The following EPHX2 variants were observed in gnomAD, a reference collection of about 807,000 sequenced individuals.
The protein encoded by EPHX2 is epoxide hydrolase 2.
Under a neutral mutation model 78.7 loss-of-function variants are expected in EPHX2, and 74 were observed. The observed-to-expected ratio is 0.94, with a 90% confidence interval of 0.78 to 1.14. The LOEUF (loss-of-function observed/expected upper bound fraction) is 1.14, where lower values mean the gene tolerates loss of function less well. Among genes scored for constraint, EPHX2 ranks in the 50% most tolerant of loss-of-function variants. The probability of loss-of-function intolerance (pLI) is 0.00; values close to 1 mark genes in which losing one functional copy is unlikely to be tolerated. For synonymous variants in EPHX2, 251 were observed against 255.2 expected (o/e 0.98, Z 0.16); for missense variants, 715 against 702.5 (o/e 1.02, Z -0.20).
chr8:27,536,945 A>C, intron 13 of EPHX2, 90 bp downstream of exon 13: 2 of 1,357,136 alleles, frequency 1.5e-6, no homozygotes, highest in Non-Finnish European at 2.0e-6. Context: ...CAGGAGTAGC[A>C]ATCTGGCCTC....
At chr8:27,527,132 T>C (rs550837626) in intron 12 of EPHX2, among the ~76,000 whole-genome samples, 10 of 152,224 alleles carry the variant, frequency 6.6e-5, no homozygotes, top group Admixed American at 5.9e-4. Flanking sequence ...TGTTTGTTTG[T>C]ATTTTTAGTA....
intron 6 of EPHX2, among the ~76,000 whole-genome samples, chr8:27,515,189 TC>T (rs72364790): frequency 0.039 from 5,921 of 152,196 alleles, 353 homozygotes; most frequent in African/African-American, 0.13. Context: ...GAGTCCCTGT[TC>T]CCCGTTTTTT....
At chr8:27,526,585 C>T (rs570545641) in intron 12 of EPHX2, among the ~76,000 whole-genome samples, 1 of 152,158 alleles carries the variant, frequency 6.6e-6, no homozygotes, top group Non-Finnish European at 1.5e-5. Context: ...GGCTAGGTAG[C>T]TCAACAGACT....
Position 27,506,946 on chromosome 8 carries a change from GGACACT to G in EPHX2, c.618_623del (p.Asp207_Thr208del). ...TGGGAATGGTCACCATCCTGGTCCA[GGACACT>G]GACACGGCCCTGAAAGAACTGGAGA... On this transcript the variant is annotated inframe_deletion, in exon 5 of 19. Coordinates refer to ENST00000521400, the MANE Select transcript of EPHX2 (RefSeq NM_001979.6). 1 of 1,614,106 alleles carries G rather than the reference GGACACT, an allele frequency of 6.2e-7. No individual in the cohort carries two copies. Among genetic ancestry groups the G allele is most frequent in the Non-Finnish European group, 8.5e-7 (1 of 1,180,014 alleles).
In EPHX2 at chr8:27,491,167, G is replaced by C; in HGVS notation, c.-42G>C. On this transcript the variant is annotated 5_prime_UTR_variant, in exon 1 of 19. Transcript: ENST00000521400. ...CGCCCTGGCCTTCGCGCATCTCCCAGGTTAGCTGCGTGTCCGGGTGCTAGG... is the reference window on the plus strand; with the variant it reads ...CGCCCTGGCCTTCGCGCATCTCCCACGTTAGCTGCGTGTCCGGGTGCTAGG... The C allele has an allele frequency of 6.5e-7, 1 of 1,535,812 alleles. No homozygotes were observed. The highest frequency in any genetic ancestry group is 8.7e-7 in the Non-Finnish European group (1 of 1,146,136).
At chr8:27,506,561 T>A (rs151137033) in intron 4 of EPHX2, among the ~76,000 whole-genome samples, 112 of 152,354 alleles carry the variant, frequency 7.4e-4, no homozygotes, top group Non-Finnish European at 1.3e-3. Flanking sequence ...TCACTACAGT[T>A]CTTTTCCAGA....
intron 7 of EPHX2, 105 bp downstream of exon 7, chr8:27,515,918 A>G (rs1585201407): frequency 2.0e-6 from 2 of 983,508 alleles, no homozygotes; most frequent in Non-Finnish European, 3.1e-6. Context: ...CTGACAGTGG[A>G]GCATTGTCTC....
Position 27,503,781 on chromosome 8 carries a change from G to A in EPHX2, c.346+18G>A. On this transcript the variant is annotated intron_variant, in intron 3 of 18. Transcript: ENST00000521400. ...GAAGAAAGGTAAGGATCTGATACTG[G>A]CCAATCTCAGGCCGAACCACCCAGA... 1.2e-6 allele frequency: 2 copies of A among 1,604,510 alleles called. No homozygotes were observed. The highest frequency in any genetic ancestry group is 1.7e-6 in the Non-Finnish European group (2 of 1,178,192).
chr8:27,528,924 T>C (rs1375983794), intron 12 of EPHX2, among the ~76,000 whole-genome samples: 1 of 152,054 alleles, frequency 6.6e-6, no homozygotes, highest in African/African-American at 2.4e-5. Flanking sequence ...GCCTCCCGAG[T>C]AGCTGGGATT....
Position 27,544,228 on chromosome 8 carries a change from T to A in EPHX2, c.1573T>A (p.Trp525Arg), listed in dbSNP as rs1815509675. ...KRGHIEDCGH[W>R]TQMDKPTEVN... ...GGGACACATTGAGGACTGTGGGCAC[T>A]GGACACAGATGGACAAGTAAGGAGG... Residue 525 changes from tryptophan (W) to arginine (R), a missense_variant, in exon 18 of 19, where the codon TGG becomes AGG. Transcript: ENST00000521400. 6 of 1,614,060 alleles carry A rather than the reference T, an allele frequency of 3.7e-6. No individual in the cohort carries two copies. The highest frequency in any genetic ancestry group is 8.5e-7 in the Non-Finnish European group (1 of 1,180,050).
intron 1 of EPHX2, among the ~76,000 whole-genome samples, chr8:27,493,411 A>G (rs1315289525): frequency 6.6e-6 from 1 of 152,162 alleles, no homozygotes; most frequent in Non-Finnish European, 1.5e-5. Context: ...GGTTTTGGAG[A>G]GTCACTGTTG....
intron 6 of EPHX2, among the ~76,000 whole-genome samples, chr8:27,515,004 A>C (rs768541783): frequency 1.3e-5 from 2 of 152,200 alleles, no homozygotes; most frequent in African/African-American, 4.8e-5. Flanking sequence ...TGAGACAGCC[A>C]GGTGGGAGGG....
In EPHX2 at chr8:27,513,323, T is replaced by C. The variant is rs3757905; in HGVS notation, c.735+1413T>C. The stretch of plus-strand genomic sequence containing the variant: ...AAGGGGTGAGTGTTTAATCAGGGCC[T>C]TCTGGTCTCATCTCTCTGGTGGTAA... On this transcript the variant is annotated intron_variant, in intron 6 of 18. Transcript: ENST00000521400. 6.2e-3 allele frequency among the ~76,000 whole-genome samples: 950 copies of C among 152,316 alleles called. 9 individuals are homozygous for C. Among genetic ancestry groups the C allele is most frequent in the East Asian group, 0.047 (245 of 5,188 alleles).
intron 10 of EPHX2, among the ~76,000 whole-genome samples, chr8:27,521,313 C>G (rs1228914497): frequency 1.3e-5 from 2 of 152,170 alleles, no homozygotes; most frequent in African/African-American, 4.8e-5. Context: ...TCAATGATAC[C>G]AAATGAAAGC....
At chr8:27,496,828 A>G (rs918462178) in intron 1 of EPHX2, among the ~76,000 whole-genome samples, 8 of 152,136 alleles carry the variant, frequency 5.3e-5, no homozygotes, top group African/African-American at 1.4e-4. Context: ...TGTCCTTTCA[A>G]TGCCCAGACT....
intron 2 of EPHX2, among the ~76,000 whole-genome samples, chr8:27,501,544 C>A (rs1340006999): frequency 6.6e-6 from 1 of 152,052 alleles, no homozygotes; most frequent in Non-Finnish European, 1.5e-5. Flanking sequence ...GCTGGGATTA[C>A]AGGCACACAT....
At chr8:27,495,222 G>C (rs1022575457) in intron 1 of EPHX2, among the ~76,000 whole-genome samples, 1 of 152,208 alleles carries the variant, frequency 6.6e-6, no homozygotes, top group African/African-American at 2.4e-5. Context: ...AAGCATACTT[G>C]TTATCTGTAT....
chr8:27,538,828 G>A (rs757874297), intron 14 of EPHX2, 136 bp downstream of exon 14: 41 of 894,054 alleles, frequency 4.6e-5, no homozygotes, highest in Non-Finnish European at 6.5e-5. Context: ...GGGTCCCCTC[G>A]GCATGCATAG....
chr8:27,512,979 G>A (rs1370350698), intron 6 of EPHX2, among the ~76,000 whole-genome samples: 1 of 152,230 alleles, frequency 6.6e-6, no homozygotes, highest in African/African-American at 2.4e-5. Flanking sequence ...TGGCTGTGCT[G>A]ACCTTGGAGA....
Sources: gnomAD v4.1 joint callset for allele counts (sites outside exome capture counted in the v4.1 genomes callset) on GRCh38, gnomAD v4.1.1 for gene constraint, MANE v1.5 for transcripts, NCBI Gene and HGNC (gene_info 2026-07-23, HGNC 2026-07-21) for gene names.